Variants in ADGB observed in about 807,000 individuals in gnomAD.
ADGB encodes the protein androglobin.
ADGB carries 172 observed loss-of-function variants against 210.5 expected under a neutral mutation model. That is an observed-to-expected ratio of 0.82 (90% CI 0.72 to 0.93). The LOEUF is 0.93. Among genes scored for constraint, ADGB ranks in the 40% least tolerant of loss-of-function variants. The probability of loss-of-function intolerance (pLI) is 0.00; values close to 1 mark genes in which losing one functional copy is unlikely to be tolerated. For missense variants in ADGB, 2,025 were observed against 1,964.8 expected, an observed-to-expected ratio of 1.03 and a Z score of -0.58; for synonymous variants, 658 against 662.7, an observed-to-expected ratio of 0.99 and a Z score of 0.11.
At chr6:146,601,365 A>G (rs1460791251) in intron 1 of ADGB, among the ~76,000 whole-genome samples, 2 of 152,240 alleles carry the variant, frequency 1.3e-5, no homozygotes, top group Non-Finnish European at 2.9e-5. Flanking sequence ...GATTTGTTAG[A>G]GACTATTGAG....
chr6:146,704,090 G>A (rs1449799924), intron 13 of ADGB, among the ~76,000 whole-genome samples: 2 of 151,690 alleles, frequency 1.3e-5, no homozygotes, highest in Admixed American at 6.6e-5. Context: ...AAACACATAC[G>A]TTGGCCATTT....
At chr6:146,721,345 G>C in intron 16 of ADGB, 58 bp from the exon 17 acceptor site, 1 of 1,118,344 alleles carries the variant, frequency 8.9e-7, no homozygotes, top group Non-Finnish European at 1.3e-6. Flanking sequence ...CATTAGAAGT[G>C]AAATAATAGC....
At chr6:146,793,020 T>C (rs1777974849) in intron 33 of ADGB, among the ~76,000 whole-genome samples, 1 of 152,080 alleles carries the variant, frequency 6.6e-6, no homozygotes, top group Non-Finnish European at 1.5e-5. Context: ...GAACAAAGCT[T>C]CCACAACATG....
At chr6:146,679,054 G>T (rs1326823167) in intron 9 of ADGB, among the ~76,000 whole-genome samples, 1 of 152,156 alleles carries the variant, frequency 6.6e-6, no homozygotes, top group Non-Finnish European at 1.5e-5. Context: ...GGAGCAAGAT[G>T]TCTGAAATCA....
intron 33 of ADGB, among the ~76,000 whole-genome samples, chr6:146,792,583 T>C (rs1777968972): frequency 6.6e-6 from 1 of 151,982 alleles, no homozygotes. Flanking sequence ...ACCAGTGTTG[T>C]AAGGCATGGA....
At position 146,787,530 on chromosome 6, in the gene ADGB, C is replaced by A. The variant is rs1022542445; in HGVS notation, c.4316-859C>A. ...TTACTGGAATAAGTTTCCTTTTTACCTTTTTTTCCTCAATCAGTCTTGCTC... is the reference window on the plus strand; with the variant it reads ...TTACTGGAATAAGTTTCCTTTTTACATTTTTTTCCTCAATCAGTCTTGCTC... On this transcript the variant is annotated intron_variant, in intron 32 of 35. Transcript: ENST00000397944. Among the ~76,000 whole-genome samples, 4 of 151,932 alleles carry A rather than the reference C, an allele frequency of 2.6e-5. No homozygotes were observed. The East Asian group carries it at 7.8e-4, about 29-fold the overall frequency.
At chr6:146,660,116 A>C (rs1775835078) in intron 5 of ADGB, among the ~76,000 whole-genome samples, 1 of 152,102 alleles carries the variant, frequency 6.6e-6, no homozygotes, top group African/African-American at 2.4e-5. Flanking sequence ...TTAAACATCC[A>C]CTTCCCATGC....
At chr6:146,786,316 C>A (rs1777873881) in intron 32 of ADGB, among the ~76,000 whole-genome samples, 1 of 151,436 alleles carries the variant, frequency 6.6e-6, no homozygotes, top group African/African-American at 2.4e-5. Flanking sequence ...TGCAGACAGG[C>A]CCTTCATAAT....
rs1777616610 is a variant in ADGB at position 146,769,093 on chromosome 6, T to A, written c.3824T>A (p.Val1275Asp). Residue 1275 changes from valine (V) to aspartate (D), a missense_variant, in exon 29 of 36, where the codon GTT becomes GAT. Val to Asp is a radical substitution (Grantham distance 152). Transcript: ENST00000397944. ...WPLTESQLTFVQALKDLKKSN... is the reference protein window; with the variant it reads ...WPLTESQLTFDQALKDLKKSN... ...CTCACTGAAAGCCAGCTGACATTTG[T>A]TCAAGCACTGAAAGACTTAAAGAAA... 6.5e-7 allele frequency: 1 copy of A among 1,528,738 alleles called. No individual in the cohort carries two copies. Among genetic ancestry groups the A allele is most frequent in the South Asian group, 1.2e-5 (1 of 81,164 alleles). 94.7% of individuals were successfully genotyped at this position (1,528,738 alleles called of 1,614,324 possible).
chr6:146,669,545 A>G (rs544557650), intron 7 of ADGB, among the ~76,000 whole-genome samples: 2 of 152,142 alleles, frequency 1.3e-5, no homozygotes, highest in South Asian at 4.1e-4. Context: ...GCATCCCAGT[A>G]TGTGACCCTC....
At chr6:146,687,850 C>A (rs942623146) in intron 10 of ADGB, among the ~76,000 whole-genome samples, 2 of 152,022 alleles carry the variant, frequency 1.3e-5, no homozygotes, top group South Asian at 2.1e-4. Flanking sequence ...GTATTCAAAC[C>A]CCCTTTAAAA....
At chr6:146,622,734 A>C (rs895693685) in intron 1 of ADGB, among the ~76,000 whole-genome samples, 1 of 152,026 alleles carries the variant, frequency 6.6e-6, no homozygotes, top group African/African-American at 2.4e-5. Context: ...TTTTGATGAA[A>C]TCTTAATAAA....
chr6:146,613,837 T>C lies in ADGB; in HGVS notation c.74+14723T>C, dbSNP rs530501646. Among the ~76,000 whole-genome samples the C allele has an allele frequency of 7.9e-5, 12 of 152,134 alleles. No homozygotes were observed. The South Asian group carries it at 2.3e-3, about 29-fold the overall frequency. Reference sequence around the variant, plus strand: ...TTTGCAAAGTATGAAATTAAGTGCTTTTAAGTTTTAAATAATTAATTTATT... The same window carrying C: ...TTTGCAAAGTATGAAATTAAGTGCTCTTAAGTTTTAAATAATTAATTTATT... On this transcript the variant is annotated intron_variant, in intron 1 of 35. Coordinates refer to ENST00000397944, the MANE Select transcript of ADGB (RefSeq NM_024694.4).
intron 7 of ADGB, 52 bp downstream of exon 7, chr6:146,666,954 T>A: frequency 8.0e-6 from 11 of 1,380,622 alleles, no homozygotes; most frequent in Non-Finnish European, 1.1e-5. Flanking sequence ...CTTCCCAAGA[T>A]TTCTTTAAAA....
Position 146,802,021 on chromosome 6 carries a change from A to C in ADGB, c.4818+10A>C. 1.3e-6 allele frequency: 2 copies of C among 1,519,016 alleles called. No homozygotes were observed. Among genetic ancestry groups the C allele is most frequent in the Non-Finnish European group, 1.8e-6 (2 of 1,134,128 alleles). 94.1% of individuals were successfully genotyped at this position (1,519,016 alleles called of 1,614,324 possible). A position where few individuals can be genotyped will look rare whatever the true frequency, so the allele number is the denominator to read the frequency against. ...GTATAAGGAAATGCAGGTGAGTCTA[A>C]AAGCACATACATAGATTATAGTTGG... On this transcript the variant is annotated intron_variant, in intron 35 of 35. Transcript: ENST00000397944.
In ADGB at chr6:146,715,406, C is replaced by T; in HGVS notation, c.1732C>T (p.Leu578Phe). 1.3e-6 allele frequency: 2 copies of T among 1,497,406 alleles called. No individual in the cohort carries two copies. The highest frequency in any genetic ancestry group is 1.3e-5 in the South Asian group (1 of 76,732). The allele number at this position is 1,497,406 out of a possible 1,614,324, so 92.8% of individuals were successfully genotyped here. A position where few individuals can be genotyped will look rare whatever the true frequency, so the allele number is the denominator to read the frequency against. The change falls in exon 14 of 36, where the codon CTT (leucine) becomes TTT (phenylalanine). Residue 578 changes from leucine (L) to phenylalanine (F), a missense_variant. Leu to Phe is a conservative substitution (Grantham distance 22). Coordinates refer to ENST00000397944, the MANE Select transcript of ADGB (RefSeq NM_024694.4). The part of the protein sequence containing the change: ...SQGNTASQVI[L>F]GKGTDEQTDF... ...GGGAAATACTGCTTCACAAGTTATACTTGGAAAAGGTAAATTAATAATTTT... is the reference window on the plus strand; with the variant it reads ...GGGAAATACTGCTTCACAAGTTATATTTGGAAAAGGTAAATTAATAATTTT...
chr6:146,809,558 T>C (rs1276552581), intron 35 of ADGB, among the ~76,000 whole-genome samples: 1 of 152,100 alleles, frequency 6.6e-6, no homozygotes. Flanking sequence ...CCCAGGCTGT[T>C]CTCAAACTCC....
intron 35 of ADGB, among the ~76,000 whole-genome samples, chr6:146,813,345 G>A (rs756732316): frequency 1.3e-5 from 2 of 152,028 alleles, no homozygotes; most frequent in Non-Finnish European, 2.9e-5. Context: ...TGGATATTAG[G>A]GTCCGTTGGT....
chr6:146,599,932 G>T (rs1583553655), intron 1 of ADGB, among the ~76,000 whole-genome samples: 1 of 152,210 alleles, frequency 6.6e-6, no homozygotes, highest in East Asian at 1.9e-4. Context: ...TGATGGGGAG[G>T]GCGATGCAAT....
Sources: gnomAD v4.1 joint callset for allele counts (sites outside exome capture counted in the v4.1 genomes callset) on GRCh38, gnomAD v4.1.1 for gene constraint, MANE v1.5 for transcripts, NCBI Gene and HGNC (gene_info 2026-07-23, HGNC 2026-07-21) for gene names.